Variants in FARP1 observed in about 807,000 individuals in gnomAD.
FARP1 encodes the protein FERM, ARHGEF and pleckstrin domain-containing protein 1.
FARP1 carries 52 observed loss-of-function variants against 128.8 expected under a neutral mutation model. That is an observed-to-expected ratio of 0.40 (90% CI 0.32 to 0.51). The LOEUF is 0.51. FARP1 is among the 20% of genes least tolerant of loss of function. The probability of loss-of-function intolerance (pLI) is 0.45; values close to 1 mark genes in which losing one functional copy is unlikely to be tolerated. For missense variants in FARP1, 1,333 were observed against 1,367.9 expected, an observed-to-expected ratio of 0.97 and a Z score of 0.40; for synonymous variants, 580 against 551.8, an observed-to-expected ratio of 1.05 and a Z score of -0.72.
At chr13:98,293,135 G>A (rs1237233528) in intron 2 of FARP1, among the ~76,000 whole-genome samples, 1 of 152,042 alleles carries the variant, frequency 6.6e-6, no homozygotes, top group Non-Finnish European at 1.5e-5. Flanking sequence ...TTAACTCAAT[G>A]GTGGATGACT....
intron 2 of FARP1, among the ~76,000 whole-genome samples, chr13:98,255,068 T>G (rs1883519924): frequency 6.6e-6 from 1 of 152,142 alleles, no homozygotes; most frequent in East Asian, 1.9e-4. Flanking sequence ...AGAAATGAGA[T>G]TTTGGGTAAA....
chr13:98,295,744 CATTA>C (rs1371516595), intron 2 of FARP1, among the ~76,000 whole-genome samples: 1 of 152,174 alleles, frequency 6.6e-6, no homozygotes, highest in African/African-American at 2.4e-5. Context: ...TTAACATCTG[CATTA>C]ATTAGGACAT....
At chr13:98,389,885 C>A in intron 9 of FARP1, 72 bp from the exon 10 acceptor site, 1 of 1,437,164 alleles carries the variant, frequency 7.0e-7, no homozygotes, top group Non-Finnish European at 9.6e-7. Context: ...CTATCTTCTG[C>A]CCCTTTTCTC....
At chr13:98,446,464 T>C (rs1892841904) in intron 25 of FARP1, 6 of 616,868 alleles carry the variant, frequency 9.7e-6, no homozygotes, top group Non-Finnish European at 1.7e-5. Context: ...GGGTTGGCTT[T>C]ATCTACAGCT....
intron 5 of FARP1, among the ~76,000 whole-genome samples, chr13:98,369,844 T>C (rs1889254726): frequency 6.6e-6 from 1 of 152,220 alleles, no homozygotes; most frequent in Non-Finnish European, 1.5e-5. Context: ...ACCGAGGCCA[T>C]CATATCCTTC....
chr13:98,328,266 G>C (rs1313364356), intron 2 of FARP1: 4 of 152,186 alleles, frequency 2.6e-5, no homozygotes, highest in African/African-American at 7.2e-5. Context: ...GCAAGGATGG[G>C]GGTGTAACCA....
Position 98,451,214 on chromosome 13 carries a change from G to C in FARP1, c.*2897G>C, listed in dbSNP as rs1023746588. 6.6e-6 allele frequency: 1 copy of C among 152,112 alleles called. No individual in the cohort carries two copies. The highest frequency in any genetic ancestry group is 2.4e-5 in the African/African-American group (1 of 41,414). 9.4% of individuals were successfully genotyped at this position (152,112 alleles called of 1,614,324 possible). ...CCGCCCTGGCTCACTTAAAAATCAGGTAACGGCACACCCTGGGGAACACAG... is the reference window on the plus strand; with the variant it reads ...CCGCCCTGGCTCACTTAAAAATCAGCTAACGGCACACCCTGGGGAACACAG... On this transcript the variant is annotated 3_prime_UTR_variant, in exon 27 of 27. Transcript: ENST00000319562.
chr13:98,330,242 A>G (rs79008473), intron 2 of FARP1, among the ~76,000 whole-genome samples: 1 of 152,148 alleles, frequency 6.6e-6, no homozygotes, highest in Non-Finnish European at 1.5e-5. Context: ...GGGGTGGGGC[A>G]GATCACTGGG....
intron 24 of FARP1, 29 bp from the exon 25 acceptor site, chr13:98,446,069 T>C: frequency 2.7e-6 from 4 of 1,506,076 alleles, no homozygotes; most frequent in Non-Finnish European, 3.7e-6. Context: ...GTGCCCGCTG[T>C]GCTTCTCACA....
rs547882025 is a variant in FARP1 at position 98,454,031 on chromosome 13, G to C, written c.*5714G>C. 5.3e-5 allele frequency: 8 copies of C among 152,246 alleles called. No individual in the cohort carries two copies. Among genetic ancestry groups the C allele is most frequent in the African/African-American group, 1.9e-4 (8 of 41,542 alleles). 9.4% of individuals were successfully genotyped at this position (152,246 alleles called of 1,614,324 possible). A position where few individuals can be genotyped will look rare whatever the true frequency, so the allele number is the denominator to read the frequency against. On this transcript the variant is annotated 3_prime_UTR_variant, in exon 27 of 27. Coordinates refer to ENST00000319562, the MANE Select transcript of FARP1 (RefSeq NM_005766.4). ...TGGCGCTCAAAAGTTTCAGATTGGG[G>C]ATTTGGGATATTCAGCCTGTATATG... is the stretch of plus-strand genomic sequence containing the variant.
chr13:98,446,456 G>A (rs945355663), intron 25 of FARP1: 2 of 611,186 alleles, frequency 3.3e-6, no homozygotes, highest in Non-Finnish European at 2.9e-6. Flanking sequence ...AGGGACGGGG[G>A]TTGGCTTTAT....
intron 2 of FARP1, among the ~76,000 whole-genome samples, chr13:98,288,356 CT>C (rs1885294925): frequency 6.6e-6 from 1 of 152,186 alleles, no homozygotes. Context: ...ACGGGAGCCT[CT>C]TGATATACTT....
intron 5 of FARP1, among the ~76,000 whole-genome samples, chr13:98,372,449 C>T (rs1889389620): frequency 6.6e-6 from 1 of 151,982 alleles, no homozygotes; most frequent in East Asian, 1.9e-4. Flanking sequence ...GTTTAGCCAC[C>T]CTTTGTTCTT....
intron 3 of FARP1, among the ~76,000 whole-genome samples, chr13:98,361,921 A>T (rs79349861): frequency 6.6e-6 from 1 of 152,004 alleles, no homozygotes; most frequent in South Asian, 2.1e-4. Flanking sequence ...TCTTGCCCCT[A>T]TTTTTAACCC....
In FARP1 at chr13:98,176,708, T is replaced by TG. The variant is rs1182434616; in HGVS notation, c.-24+33220dup. 3 of 1,614,066 alleles carry TG rather than the reference T, an allele frequency of 1.9e-6. No individual in the cohort carries two copies. Among genetic ancestry groups the TG allele is most frequent in the Admixed American group, 1.7e-5 (1 of 60,004 alleles). On this transcript the variant is annotated intron_variant, in intron 1 of 26. Transcript: ENST00000319562. This position sits in a 1 kb window ranked among gnomAD's most constrained non-coding sequence, Gnocchi z 6.2. ...GCGCGCAGATGCCCTGGCGCACGTA[T>TG]GGGGCCCTTCCTCGCCATCCCCGAG...
intron 3 of FARP1, among the ~76,000 whole-genome samples, chr13:98,347,666 C>T (rs1478551356): frequency 2.0e-5 from 3 of 152,188 alleles, no homozygotes; most frequent in Admixed American, 6.5e-5. Context: ...TTGCCGTCAC[C>T]TCTTGGCCAT....
intron 5 of FARP1, 29 bp from the exon 6 acceptor site, chr13:98,377,792 C>G (rs200633497): frequency 8.2e-5 from 130 of 1,584,876 alleles, no homozygotes; most frequent in Non-Finnish European, 1.1e-4. Flanking sequence ...CCCTCTTTGC[C>G]TGACGCCCAG....
intron 2 of FARP1, among the ~76,000 whole-genome samples, chr13:98,324,092 A>T (rs1887124688): frequency 6.6e-6 from 1 of 152,232 alleles, no homozygotes; most frequent in Non-Finnish European, 1.5e-5. Flanking sequence ...AGTTTCATTA[A>T]AGAGTTAAGA....
At chr13:98,152,126 C>A (rs555834692) in intron 1 of FARP1, among the ~76,000 whole-genome samples, 3 of 152,294 alleles carry the variant, frequency 2.0e-5, no homozygotes, top group African/African-American at 7.2e-5. Flanking sequence ...GCTCCCAGTT[C>A]ATGTCTCAGC....
Sources: gnomAD v4.1 joint callset for allele counts (sites outside exome capture counted in the v4.1 genomes callset) on GRCh38, gnomAD v4.1.1 for gene constraint, Gnocchi (gnomAD v3.1) non-coding constraint, MANE v1.5 for transcripts, NCBI Gene and HGNC (gene_info 2026-07-23, HGNC 2026-07-21) for gene names.